Variants in TMEM117 observed in about 807,000 individuals in gnomAD.
The protein encoded by TMEM117 is transmembrane protein 117.
A neutral mutation model predicts 52.4 loss-of-function variants in TMEM117; 27 were observed. The ratio of observed to expected loss-of-function variants is 0.51; its 90% CI spans 0.38 to 0.71. TMEM117 has a LOEUF of 0.71. Ranked by LOEUF, TMEM117 falls within the 30% of genes least tolerant of loss-of-function variation. TMEM117 has a pLI of 0.00. For missense variants in TMEM117, 556 were observed against 630.5 expected (o/e 0.88, Z 1.26); for synonymous variants, 215 against 206.3 (o/e 1.04, Z -0.36).
At chr12:43,802,568 A>G in the TMEM117 span, 3 of 835,806 alleles carry the variant, frequency 3.6e-6, no homozygotes, top group East Asian at 2.7e-5. Flanking sequence ...CCCAGTTACT[A>G]TTATTCACAT....
intron 3 of TMEM117, among the ~76,000 whole-genome samples, chr12:44,045,013 G>A (rs187056647): frequency 1.3e-5 from 2 of 152,320 alleles, no homozygotes; most frequent in East Asian, 1.9e-4. Context: ...GTTAGAAACT[G>A]TGAAGATATT....
intron 6 of TMEM117, among the ~76,000 whole-genome samples, chr12:44,303,021 C>T (rs1950860314): frequency 6.6e-6 from 1 of 151,768 alleles, no homozygotes; most frequent in South Asian, 2.1e-4. Context: ...AGGAAAATTC[C>T]ACTTATACTA....
At chr12:44,293,412 A>C (rs1002786473) in intron 5 of TMEM117, among the ~76,000 whole-genome samples, 6 of 152,066 alleles carry the variant, frequency 3.9e-5, no homozygotes, top group Admixed American at 2.6e-4. Flanking sequence ...GAAGAATGTA[A>C]TCCGTTTACA....
intron 5 of TMEM117, among the ~76,000 whole-genome samples, chr12:44,265,189 A>AG (rs1420204686): frequency 6.6e-6 from 1 of 152,182 alleles, no homozygotes; most frequent in Non-Finnish European, 1.5e-5. Context: ...AGTAAAGGAA[A>AG]GAGACCAACT....
At chr12:44,143,115 A>G (rs1948593208) in intron 3 of TMEM117, among the ~76,000 whole-genome samples, 1 of 152,080 alleles carries the variant, frequency 6.6e-6, no homozygotes, top group South Asian at 2.1e-4. Flanking sequence ...CATTTTTCCA[A>G]TTGTTTTGAT....
chr12:44,276,170 A>G (rs1342327320), intron 5 of TMEM117, among the ~76,000 whole-genome samples: 1 of 152,198 alleles, frequency 6.6e-6, no homozygotes, highest in East Asian at 1.9e-4. Flanking sequence ...GAGTATGTCA[A>G]AAAGATACCT....
rs1160863546 is a variant in TMEM117 at position 44,312,912 on chromosome 12, T to C, written c.768+13173T>C. ...TTAGCTCCTTGTATGTCTTTTGTTT[T>C]TGAGAAGTGTCTGTTCATGTTCTTT... On this transcript the variant is annotated intron_variant, in intron 6 of 7. Transcript: ENST00000266534. 2.0e-5 allele frequency among the ~76,000 whole-genome samples: 3 copies of C among 152,214 alleles called. No homozygotes were observed. The East Asian group carries it at 5.8e-4, about 29-fold the overall frequency.
intron 3 of TMEM117, among the ~76,000 whole-genome samples, chr12:44,061,892 A>G (rs996089413): frequency 1.3e-5 from 2 of 152,198 alleles, no homozygotes; most frequent in African/African-American, 2.4e-5. Flanking sequence ...TTTATAGGCC[A>G]TGAATAAGAG....
chr12:44,282,725 G>T (rs944845174), intron 5 of TMEM117, among the ~76,000 whole-genome samples: 2 of 152,196 alleles, frequency 1.3e-5, no homozygotes, highest in African/African-American at 4.8e-5. Context: ...CCATTTTCTG[G>T]GGAGAAATTC....
At chr12:44,208,414 G>A (rs1322692390) in intron 4 of TMEM117, among the ~76,000 whole-genome samples, 1 of 152,088 alleles carries the variant, frequency 6.6e-6, no homozygotes, top group African/African-American at 2.4e-5. Context: ...TCTAATACCT[G>A]CCTGTGAGAG....
At chr12:43,807,009 A>G in the TMEM117 span, among the ~76,000 whole-genome samples, 1 of 152,232 alleles carries the variant, frequency 6.6e-6, no homozygotes, top group African/African-American at 2.4e-5. Flanking sequence ...TAATTATTCA[A>G]AATTCACTTG....
At chr12:44,343,869 C>T (rs938563400) in intron 6 of TMEM117, among the ~76,000 whole-genome samples, 2 of 152,074 alleles carry the variant, frequency 1.3e-5, no homozygotes, top group African/African-American at 4.8e-5. Context: ...GCCTGGGGAG[C>T]TTGGTAATGA....
At chr12:43,858,148 T>C (rs1179174682) in intron 2 of TMEM117, among the ~76,000 whole-genome samples, 1 of 152,194 alleles carries the variant, frequency 6.6e-6, no homozygotes, top group East Asian at 1.9e-4. Context: ...ATTCCTATCG[T>C]GGCTGTGACC....
intron 3 of TMEM117, among the ~76,000 whole-genome samples, chr12:44,121,971 G>T (rs1363431228): frequency 6.6e-6 from 1 of 151,934 alleles, no homozygotes; most frequent in African/African-American, 2.4e-5. Context: ...TTCTGTTCCT[G>T]TGTTAATTCA....
downstream of TMEM117, among the ~76,000 whole-genome samples, chr12:44,394,162 C>A (rs541139569): frequency 6.6e-6 from 1 of 152,128 alleles, no homozygotes; most frequent in Non-Finnish European, 1.5e-5. Flanking sequence ...TTTTAAGAAT[C>A]CTTATCCAGG....
At chr12:43,919,747 A>G (rs909447905) in intron 2 of TMEM117, among the ~76,000 whole-genome samples, 8 of 151,558 alleles carry the variant, frequency 5.3e-5, no homozygotes, top group Admixed American at 1.3e-4. Flanking sequence ...ACCATTTTTT[A>G]TTCTCATCAG....
intron 6 of TMEM117, among the ~76,000 whole-genome samples, chr12:44,366,754 A>G (rs1187855940): frequency 6.6e-6 from 1 of 152,172 alleles, no homozygotes; most frequent in Non-Finnish European, 1.5e-5. Flanking sequence ...AGATGAAACC[A>G]GAAAGAAACC....
intron 2 of TMEM117, among the ~76,000 whole-genome samples, chr12:43,933,707 C>T (rs954420743): frequency 2.6e-5 from 4 of 151,832 alleles, no homozygotes; most frequent in African/African-American, 4.8e-5. Context: ...GGAGTACAGG[C>T]GCGTGCCACC....
intron 5 of TMEM117, among the ~76,000 whole-genome samples, chr12:44,297,977 T>A: frequency 6.6e-6 from 1 of 152,170 alleles, no homozygotes; most frequent in Non-Finnish European, 1.5e-5. Context: ...ATTTTAGAGG[T>A]CGTGAGTCAA....
Sources: gnomAD v4.1 joint callset for allele counts (sites outside exome capture counted in the v4.1 genomes callset) on GRCh38, gnomAD v4.1.1 for gene constraint, MANE v1.5 for transcripts, NCBI Gene and HGNC (gene_info 2026-07-23, HGNC 2026-07-21) for gene names.